The following ZNF787 variants were observed in gnomAD, a reference collection of about 807,000 sequenced individuals.
The protein encoded by ZNF787 is zinc finger protein 787, also known as TTF-I-interacting peptide 20.
A neutral mutation model predicts 16.9 loss-of-function variants in ZNF787; 7 were observed. The observed-to-expected ratio is 0.42, with a 90% CI of 0.24 to 0.78. The LOEUF is 0.78. ZNF787 is among the 30% of genes least tolerant of loss of function. The probability of loss-of-function intolerance (pLI) is 0.30; values close to 1 mark genes in which losing one functional copy is unlikely to be tolerated. For synonymous variants in ZNF787, 345 were observed against 270.9 expected (o/e 1.27, Z -2.69); for missense variants, 551 against 589.3 (o/e 0.94, Z 0.67).
rs1599959557 is a variant in ZNF787, at chr19:56,115,062, G to A, written c.-11+6110C>T. Among the ~76,000 whole-genome samples the A allele has an allele frequency of 5.3e-5, 8 of 152,248 alleles. 1 individual carries two copies. In the South Asian group the frequency reaches 1.7e-3, roughly 32 times the overall value. On this transcript the variant is annotated intron_variant, in intron 1 of 2. Transcript: ENST00000610935. ...GTGACATCTACCTGGCATCTTGCATGGGGCCCTCATTTCCTCAGCCCCGGG... is the reference window on the plus strand; with the variant it reads ...GTGACATCTACCTGGCATCTTGCATAGGGCCCTCATTTCCTCAGCCCCGGG...
chr19:56,117,285 C>A (rs2030163539), intron 1 of ZNF787, among the ~76,000 whole-genome samples: 1 of 152,014 alleles, frequency 6.6e-6, no homozygotes, highest in Non-Finnish European at 1.5e-5. Context: ...AGCGGAGTGG[C>A]TAGTACAATC....
In ZNF787 at chr19:56,088,317, G is replaced by A. The variant is rs1288027513; in HGVS notation, c.855C>T (p.Cys285=). ...PAPKPYVCLE[C]GKGFGHGAGL... ...CGGCCCCGTGCCCGAAGCCCTTCCC[G>A]CACTCCAGACACACGTACGGCTTGG... Residue 285 remains cysteine, a synonymous_variant, in exon 3 of 3, where the codon TGC becomes TGT. Coordinates refer to ENST00000610935, the MANE Select transcript of ZNF787 (RefSeq NM_001002836.4). The surrounding 1 kb of genome is among the most constrained non-coding windows in gnomAD (Gnocchi z 8.6). 12 of 1,316,952 alleles carry A rather than the reference G, an allele frequency of 9.1e-6. No individual in the cohort carries two copies. The Admixed American group carries it at 2.1e-4, about 23-fold the overall frequency. 81.6% of individuals were successfully genotyped at this position (1,316,952 alleles called of 1,614,324 possible).
chr19:56,106,119 G>A (rs1045589507), intron 1 of ZNF787, among the ~76,000 whole-genome samples: 3 of 150,942 alleles, frequency 2.0e-5, no homozygotes, highest in Admixed American at 6.6e-5. Context: ...GGCAGTCACC[G>A]CGCATTCCCC....
chr19:56,092,051 A>ACCCTCAC (rs1985622275), intron 2 of ZNF787, among the ~76,000 whole-genome samples: 1 of 148,760 alleles, frequency 6.7e-6, no homozygotes, highest in African/African-American at 2.5e-5. Flanking sequence ...CCGAAGCCTC[A>ACCCTCAC]CCCTCACCCT....
chr19:56,102,993 G>C (rs905100408), intron 2 of ZNF787, 146 bp downstream of exon 2: 2 of 806,192 alleles, frequency 2.5e-6, no homozygotes, highest in Non-Finnish European at 4.2e-6. Flanking sequence ...CAAGGCCCAG[G>C]GCGGGAGGGG....
intron 2 of ZNF787, among the ~76,000 whole-genome samples, chr19:56,091,788 G>C (rs560062737): frequency 6.6e-6 from 1 of 152,244 alleles, no homozygotes; most frequent in South Asian, 2.1e-4. Context: ...AAACCTTCCC[G>C]TGCTGCATCT....
At position 56,088,356 on chromosome 19, in the gene ZNF787, C is replaced by G; in HGVS notation, c.816G>C (p.Arg272=). The G allele has an allele frequency of 8.7e-7, 1 of 1,154,924 alleles. No individual in the cohort carries two copies. The highest frequency in any genetic ancestry group is 1.1e-6 in the Non-Finnish European group (1 of 937,180). The allele number at this position is 1,154,924 out of a possible 1,614,324, so 71.5% of individuals were successfully genotyped here. ...CGTACGGCTTGGGGGCCGGGGCGCGCCGCGACCGGGGCCCCGCGGCCTTTG... is the reference window on the plus strand; with the variant it reads ...CGTACGGCTTGGGGGCCGGGGCGCGGCGCGACCGGGGCCCCGCGGCCTTTG... ...AGAKAAGPRS[R]RAPAPKPYVC... The change falls in exon 3 of 3, where the codon CGG becomes CGC. Residue 272 remains arginine, a synonymous_variant. Coordinates refer to ENST00000610935, the MANE Select transcript of ZNF787 (RefSeq NM_001002836.4). This position sits in a 1 kb window ranked among gnomAD's most constrained non-coding sequence, Gnocchi z 8.6.
chr19:56,092,000 G>T lies in ZNF787; in HGVS notation c.80-2908C>A, dbSNP rs113687877. On this transcript the variant is annotated intron_variant, in intron 2 of 2. Transcript: ENST00000610935. ...GCCGAAGGCGAAACCGAAGCCAAAC[G>T]GAAGCCAAAGCCGAAACCGAAGCCG... 1.8e-4 allele frequency among the ~76,000 whole-genome samples: 26 copies of T among 144,026 alleles called. 1 individual carries two copies. The highest frequency in any genetic ancestry group is 6.0e-4 in the African/African-American group (22 of 36,668). The allele number at this position is 144,026 out of a possible 152,430, so 94.5% of individuals were successfully genotyped here.
intron 2 of ZNF787, 132 bp from the exon 3 acceptor site, chr19:56,089,224 C>T (rs949445687): frequency 1.8e-6 from 1 of 541,474 alleles, no homozygotes; most frequent in Non-Finnish European, 3.0e-6. Flanking sequence ...TCAGAGTGTG[C>T]ATCACTCCCT....
intron 1 of ZNF787, among the ~76,000 whole-genome samples, chr19:56,117,906 G>A (rs2030184124): frequency 6.6e-6 from 1 of 152,178 alleles, no homozygotes; most frequent in South Asian, 2.1e-4. Context: ...CCACTGCAAG[G>A]CCTCGAAACA....
chr19:56,116,552 C>T (rs763107719), intron 1 of ZNF787, among the ~76,000 whole-genome samples: 31 of 152,070 alleles, frequency 2.0e-4, no homozygotes, highest in Non-Finnish European at 4.0e-4. Context: ...CAGCAAAATC[C>T]TATCTCTTAA....
At chr19:56,103,001 G>A (rs754766146) in intron 2 of ZNF787, 138 bp downstream of exon 2, 8 of 866,076 alleles carry the variant, frequency 9.2e-6, no homozygotes, top group Middle Eastern at 2.1e-4. Context: ...AGGGCGGGAG[G>A]GGAGGCCAGG....
chr19:56,087,972 CTCCCGCCAA>C lies in ZNF787; in HGVS notation c.*42_*50del, dbSNP rs1985370165. The C allele has an allele frequency of 2.3e-6, 3 of 1,300,120 alleles. No homozygotes were observed. The highest frequency in any genetic ancestry group is 2.9e-6 in the Non-Finnish European group (3 of 1,027,022). 80.5% of individuals were successfully genotyped at this position (1,300,120 alleles called of 1,614,324 possible). ...GGTCTCTTGGTCTTGCACGTCGTCG[CTCCCGCCAA>C]GCCCGAGGGGCCCTGCCCGCCCCCC... On this transcript the variant is annotated 3_prime_UTR_variant, in exon 3 of 3. Coordinates refer to ENST00000610935, the MANE Select transcript of ZNF787 (RefSeq NM_001002836.4).
chr19:56,087,960 T>G lies in ZNF787; in HGVS notation c.*63A>C. 7.7e-7 allele frequency: 1 copy of G among 1,297,148 alleles called. No individual in the cohort carries two copies. Among genetic ancestry groups the G allele is most frequent in the Non-Finnish European group, 9.8e-7 (1 of 1,025,230 alleles). 80.4% of individuals were successfully genotyped at this position (1,297,148 alleles called of 1,614,324 possible). ...CGCTTCTCCCTGGGTCTCTTGGTCT[T>G]GCACGTCGTCGCTCCCGCCAAGCCC... On this transcript the variant is annotated 3_prime_UTR_variant, in exon 3 of 3. Transcript: ENST00000610935.
In ZNF787 at chr19:56,088,523, C is replaced by A; in HGVS notation, c.649G>T (p.Val217Phe). ...TCTTCGGGCCCCTTGGCCCGCCGGA[C>A]GCTAGCCGCCAGCACCTTGGCCGCC... Reference protein sequence around the residue: ...GVAAKVLAASVRRAKGPEEAV... With the variant: ...GVAAKVLAASFRRAKGPEEAV... Residue 217 changes from valine (V) to phenylalanine (F), a missense_variant, in exon 3 of 3, where the codon GTC (valine) becomes TTC (phenylalanine). This residue lies in a region of ZNF787 where 392 missense variants were observed against 312.7 expected (regional missense o/e 1.25). Coordinates refer to ENST00000610935, the MANE Select transcript of ZNF787 (RefSeq NM_001002836.4). The surrounding 1 kb of genome is among the most constrained non-coding windows in gnomAD (Gnocchi z 8.6). 7.0e-7 allele frequency: 1 copy of A among 1,433,498 alleles called. No individual in the cohort carries two copies. Among genetic ancestry groups the A allele is most frequent in the Non-Finnish European group, 9.1e-7 (1 of 1,101,888 alleles). The allele number at this position is 1,433,498 out of a possible 1,614,324, so 88.8% of individuals were successfully genotyped here.
rs553963065 is a variant in ZNF787, at chr19:56,114,777, AG to A, written c.-11+6394del. Among the ~76,000 whole-genome samples, 342 of 152,164 alleles carry A rather than the reference AG, an allele frequency of 2.2e-3. 2 individuals are homozygous for A. Among genetic ancestry groups the A allele is most frequent in the African/African-American group, 7.7e-3 (320 of 41,520 alleles). On this transcript the variant is annotated intron_variant, in intron 1 of 2. Coordinates refer to ENST00000610935, the MANE Select transcript of ZNF787 (RefSeq NM_001002836.4). ...ACAATGCTCCCTGAGGGCAGGTGCC[AG>A]GGGTGTCCAGCACCTGCTGCCCTGG...
chr19:56,089,056 C>T lies in ZNF787; in HGVS notation c.116G>A (p.Ser39Asn), dbSNP rs1388940582. ...ILIMDDDDVPSWPPTKLSPPQ... is the reference protein window; with the variant it reads ...ILIMDDDDVPNWPPTKLSPPQ... ...CGGGGACAGCTTGGTGGGAGGCCAG[C>T]TGGGGACGTCGTCATCATCCATGAT... Residue 39 changes from serine (S) to asparagine (N), a missense_variant, in exon 3 of 3, where the codon AGC becomes AAC. Around this residue, in one of 4 missense-constraint regions of ZNF787, gnomAD observed 80 missense variants for 105.9 expected, o/e 0.76. Coordinates refer to ENST00000610935, the MANE Select transcript of ZNF787 (RefSeq NM_001002836.4). 1.4e-6 allele frequency: 2 copies of T among 1,465,174 alleles called. No individual in the cohort carries two copies. The highest frequency in any genetic ancestry group is 5.4e-5 in the Admixed American group (2 of 36,786). 90.8% of individuals were successfully genotyped at this position (1,465,174 alleles called of 1,614,324 possible).
rs534041627 is a variant in ZNF787 at position 56,106,684 on chromosome 19, AC to A, written c.-10-3458del. Among the ~76,000 whole-genome samples, 47 of 152,216 alleles carry A rather than the reference AC, an allele frequency of 3.1e-4. No individual in the cohort carries two copies. The East Asian group carries it at 8.7e-3, about 28-fold the overall frequency. On this transcript the variant is annotated intron_variant, in intron 1 of 2. Coordinates refer to ENST00000610935, the MANE Select transcript of ZNF787 (RefSeq NM_001002836.4). The stretch of plus-strand genomic sequence containing the variant: ...AACAACCTCAACACCGGAAGAGAAA[AC>A]CCAGGCGAGGCCCCCTTGGGCTGAA...
At position 56,087,718 on chromosome 19, in the gene ZNF787, C is replaced by G. The variant is rs946986533; in HGVS notation, c.*305G>C. On this transcript the variant is annotated 3_prime_UTR_variant, in exon 3 of 3. Transcript: ENST00000610935. ...GAAGAGCAGGGAAAATGGCCTTCCGCTTGGGGCCTGGTCGCCACTCGGCCT... is the reference window on the plus strand; with the variant it reads ...GAAGAGCAGGGAAAATGGCCTTCCGGTTGGGGCCTGGTCGCCACTCGGCCT... The G allele has an allele frequency of 1.6e-5, 4 of 250,846 alleles. 1 individual carries two copies. The highest frequency in any genetic ancestry group is 1.5e-5 in the Non-Finnish European group (2 of 136,374). 15.5% of individuals were successfully genotyped at this position (250,846 alleles called of 1,614,324 possible).
Sources: gnomAD v4.1 joint callset for allele counts (sites outside exome capture counted in the v4.1 genomes callset) on GRCh38, gnomAD v4.1.1 for gene constraint, gnomAD v4.1.1 regional missense constraint, Gnocchi (gnomAD v3.1) non-coding constraint, MANE v1.5 for transcripts, NCBI Gene and HGNC (gene_info 2026-07-23, HGNC 2026-07-21) for gene names.